The following GLIS3 variants were observed in gnomAD, a reference collection of about 807,000 sequenced individuals.
GLIS3 encodes the protein zinc finger protein GLIS3.
Under a neutral mutation model 78.6 loss-of-function variants are expected in GLIS3, and 53 were observed. The observed-to-expected ratio is 0.67, with a 90% CI of 0.54 to 0.85. The LOEUF (loss-of-function observed/expected upper bound fraction) is 0.85. Ranked by LOEUF, GLIS3 falls within the 40% of genes least tolerant of loss-of-function variation. The pLI, the probability that GLIS3 is intolerant of heterozygous loss-of-function variation, is 0.00. For synonymous variants in GLIS3, 684 were observed against 509.9 expected (o/e 1.34, Z -4.60); for missense variants, 1,703 against 1,231.1 (o/e 1.38, Z -5.74).
At chr9:3,904,609 A>AG (rs1181316230) in intron 6 of GLIS3, among the ~76,000 whole-genome samples, 3 of 152,224 alleles carry the variant, frequency 2.0e-5, no homozygotes, top group African/African-American at 7.2e-5. Flanking sequence ...GGAAGGAGAA[A>AG]GCATCGTGCG....
At chr9:4,333,015 C>G (rs866352872) in intron 2 of GLIS3, among the ~76,000 whole-genome samples, 13 of 152,238 alleles carry the variant, frequency 8.5e-5, no homozygotes, top group African/African-American at 2.4e-4. Flanking sequence ...CTGACAGCTG[C>G]TTTATCTAAG....
At chr9:3,920,489 G>A (rs966056984) in intron 6 of GLIS3, among the ~76,000 whole-genome samples, 2 of 152,030 alleles carry the variant, frequency 1.3e-5, no homozygotes, top group African/African-American at 4.8e-5. Context: ...AAAATATTAT[G>A]AAGCATTAGG....
At chr9:4,339,455 G>A (rs760183094) in intron 2 of GLIS3, among the ~76,000 whole-genome samples, 13 of 151,908 alleles carry the variant, frequency 8.6e-5, no homozygotes, top group African/African-American at 3.1e-4. Flanking sequence ...TTATATAGAC[G>A]TTCAAACTGC....
At chr9:3,936,723 C>T (rs1825918757) in intron 5 of GLIS3, among the ~76,000 whole-genome samples, 1 of 152,216 alleles carries the variant, frequency 6.6e-6, no homozygotes, top group Non-Finnish European at 1.5e-5. Context: ...CTCCTGATCA[C>T]TCTCTGTACT....
intron 2 of GLIS3, among the ~76,000 whole-genome samples, chr9:4,329,167 C>T (rs1817646714): frequency 6.6e-6 from 1 of 152,054 alleles, no homozygotes; most frequent in Non-Finnish European, 1.5e-5. Context: ...CCTCTGTGGC[C>T]CTTCATTTCC....
intron 6 of GLIS3, among the ~76,000 whole-genome samples, chr9:3,903,080 G>C (rs567174318): frequency 3.5e-4 from 53 of 152,204 alleles, no homozygotes; most frequent in African/African-American, 1.3e-3. Context: ...AAAATATCTT[G>C]GCAATTTTCT....
chr9:4,309,453 G>A (rs1817306954), intron 3 of GLIS3, among the ~76,000 whole-genome samples: 1 of 152,128 alleles, frequency 6.6e-6, no homozygotes, highest in African/African-American at 2.4e-5. Context: ...TGTGGCATAA[G>A]GAAGAGTCCT....
At chr9:4,117,088 A>T (rs1287629525) in intron 4 of GLIS3, among the ~76,000 whole-genome samples, 1 of 152,194 alleles carries the variant, frequency 6.6e-6, no homozygotes, top group Non-Finnish European at 1.5e-5. Flanking sequence ...CATCAGGCCC[A>T]CTTCCCTCAG....
intron 4 of GLIS3, among the ~76,000 whole-genome samples, chr9:4,075,592 A>C (rs958547526): frequency 6.6e-6 from 1 of 152,160 alleles, no homozygotes. Context: ...AAACAAAACA[A>C]AACAAAAAAG....
intron 2 of GLIS3, among the ~76,000 whole-genome samples, chr9:4,252,803 G>A (rs896935600): frequency 6.6e-6 from 1 of 152,238 alleles, no homozygotes; most frequent in Admixed American, 6.5e-5. Flanking sequence ...TTGTGTGGAC[G>A]TCCTTTTTGC....
At chr9:4,237,154 C>G (rs1167803980) in intron 2 of GLIS3, among the ~76,000 whole-genome samples, 2 of 99,876 alleles carry the variant, frequency 2.0e-5, no homozygotes, top group African/African-American at 5.6e-5. Context: ...GGAAATAATC[C>G]AAAACAAGGG....
chr9:4,450,148 C>T, the GLIS3 span, among the ~76,000 whole-genome samples: 1 of 152,036 alleles, frequency 6.6e-6, no homozygotes, highest in African/African-American at 2.4e-5. Context: ...TAGAGAAGAC[C>T]TTAAGTGACC....
chr9:4,139,951 G>C (rs1328999290), intron 2 of GLIS3, among the ~76,000 whole-genome samples: 4 of 152,168 alleles, frequency 2.6e-5, no homozygotes, highest in African/African-American at 9.7e-5. Context: ...CCTGGTCTAA[G>C]CTACTCAATA....
chr9:4,258,409 G>A (rs771491438), intron 2 of GLIS3, among the ~76,000 whole-genome samples: 1 of 152,176 alleles, frequency 6.6e-6, no homozygotes, highest in African/African-American at 2.4e-5. Context: ...GACGGTATTG[G>A]GAAATACCTT....
chr9:3,996,205 G>C (rs1336162285), intron 4 of GLIS3, among the ~76,000 whole-genome samples: 2 of 151,934 alleles, frequency 1.3e-5, no homozygotes, highest in Non-Finnish European at 2.9e-5. Flanking sequence ...AATGCTTTCA[G>C]AAAAATAAAA....
At chr9:4,109,011 G>C (rs926477427) in intron 4 of GLIS3, among the ~76,000 whole-genome samples, 4 of 152,126 alleles carry the variant, frequency 2.6e-5, no homozygotes, top group African/African-American at 9.7e-5. Flanking sequence ...AGAGAGACAT[G>C]GGGTTCTATG....
chr9:4,217,440 A>T (rs934819080), intron 2 of GLIS3, among the ~76,000 whole-genome samples: 1 of 152,210 alleles, frequency 6.6e-6, no homozygotes, highest in Admixed American at 6.5e-5. Flanking sequence ...AAGCGGGGAC[A>T]TCATGGGCAG....
chr9:3,978,800 G>C (rs1182528956), intron 4 of GLIS3, among the ~76,000 whole-genome samples: 1 of 152,062 alleles, frequency 6.6e-6, no homozygotes, highest in African/African-American at 2.4e-5. Context: ...TTTTAAAAAA[G>C]ATTTCATATG....
chr9:4,308,248 C>G lies in GLIS3; in HGVS notation n.584+529G>C, dbSNP rs540271992. ...AGTGAAAGGACCCACAGCCCATGAA[C>G]TGGAAGGAACAGGAAGGGCAGGAGA... On this transcript the variant is annotated intron_variant and non_coding_transcript_variant, in intron 4 of 4. Coordinates refer to the GLIS3 transcript ENST00000471664. Among the ~76,000 whole-genome samples the G allele has an allele frequency of 3.3e-5, 5 of 151,904 alleles. No individual in the cohort carries two copies. The South Asian group carries it at 1.0e-3, about 32-fold the overall frequency.
Sources: gnomAD v4.1 joint callset for allele counts (sites outside exome capture counted in the v4.1 genomes callset) on GRCh38, gnomAD v4.1.1 for gene constraint, MANE v1.5 for transcripts, NCBI Gene and HGNC (gene_info 2026-07-23, HGNC 2026-07-21) for gene names.